Variants in APBA2 observed in about 807,000 individuals in gnomAD.
The protein encoded by APBA2 is amyloid-beta A4 precursor protein-binding family A member 2.
Under a neutral mutation model 75.0 loss-of-function variants are expected in APBA2, and 30 were observed. The ratio of observed to expected loss-of-function variants is 0.40; its 90% CI spans 0.30 to 0.54. The LOEUF (loss-of-function observed/expected upper bound fraction) is 0.54, where lower values mean the gene tolerates loss of function less well. Among genes scored for constraint, APBA2 ranks in the 20% least tolerant of loss-of-function variants. The pLI is 0.49. For synonymous variants in APBA2, 444 were observed against 409.6 expected (o/e 1.08, Z -1.01); for missense variants, 801 against 1,016.1 (o/e 0.79, Z 2.88).
chr15:28,936,887 T>C (rs28459817), intron 2 of APBA2, among the ~76,000 whole-genome samples: 54,574 of 152,054 alleles, frequency 0.36, 17,223 homozygotes, highest in African/African-American at 0.84. Flanking sequence ...TGGTCCTCGA[T>C]CTACCCTCAT....
intron 3 of APBA2, among the ~76,000 whole-genome samples, chr15:29,035,940 G>A (rs59113901): frequency 0.19 from 28,831 of 151,954 alleles, 3,589 homozygotes; most frequent in African/African-American, 0.34. Flanking sequence ...CTGTCACCCC[G>A]GAGCGCCCCC....
intron 1 of APBA2, among the ~76,000 whole-genome samples, chr15:28,920,094 C>T (rs570624378): frequency 6.6e-6 from 1 of 152,224 alleles, no homozygotes; most frequent in Non-Finnish European, 1.5e-5. Flanking sequence ...TGTGCCCTCT[C>T]GGGGCCAGGT....
At chr15:29,090,979 A>G (rs1328592738) in intron 6 of APBA2, among the ~76,000 whole-genome samples, 1 of 152,116 alleles carries the variant, frequency 6.6e-6, no homozygotes, top group Non-Finnish European at 1.5e-5. Context: ...CACTCTGAAG[A>G]AGCGCCAGGG....
At chr15:29,049,907 T>C (rs979367463) in intron 3 of APBA2, among the ~76,000 whole-genome samples, 2 of 152,102 alleles carry the variant, frequency 1.3e-5, no homozygotes, top group African/African-American at 4.8e-5. Flanking sequence ...TCCAGAGATA[T>C]TCCAGAAAGA....
chr15:28,990,023 G>A (rs962706991), intron 2 of APBA2, among the ~76,000 whole-genome samples: 3 of 152,168 alleles, frequency 2.0e-5, no homozygotes, highest in Non-Finnish European at 2.9e-5. Flanking sequence ...TGAGAAGGGC[G>A]CGGGGAACTG....
chr15:29,025,555 A>C (rs1318706899), intron 3 of APBA2, among the ~76,000 whole-genome samples: 5 of 151,952 alleles, frequency 3.3e-5, no homozygotes, highest in African/African-American at 1.2e-4. Flanking sequence ...TACAGGCGTG[A>C]GGCACTGCGC....
chr15:29,043,603 G>A (rs1254937702), intron 3 of APBA2, among the ~76,000 whole-genome samples: 1 of 152,132 alleles, frequency 6.6e-6, no homozygotes, highest in Non-Finnish European at 1.5e-5. Context: ...TTTATTTGTT[G>A]TGAATAAATC....
At chr15:29,023,704 C>T (rs970699270) in intron 3 of APBA2, among the ~76,000 whole-genome samples, 2 of 125,752 alleles carry the variant, frequency 1.6e-5, no homozygotes, top group African/African-American at 4.8e-5. Flanking sequence ...GATCCACCTG[C>T]CTCAGCCTCC....
chr15:29,101,345 T>C (rs1269481946), intron 9 of APBA2, among the ~76,000 whole-genome samples: 1 of 151,898 alleles, frequency 6.6e-6, no homozygotes, highest in East Asian at 1.9e-4. Context: ...TTCTCCTGCC[T>C]CAGCCTCCTG....
At chr15:28,920,851 G>A (rs2033936104) in intron 1 of APBA2, among the ~76,000 whole-genome samples, 1 of 152,174 alleles carries the variant, frequency 6.6e-6, no homozygotes, top group Non-Finnish European at 1.5e-5. Context: ...GGAAACTGAG[G>A]CACAGGCAGG....
At chr15:29,057,618 C>A (rs939803340) in intron 4 of APBA2, among the ~76,000 whole-genome samples, 8 of 152,314 alleles carry the variant, frequency 5.3e-5, no homozygotes, top group South Asian at 2.1e-4. Flanking sequence ...TTTTTAAAAT[C>A]TGATGTATGA....
At chr15:29,052,312 C>T (rs924313821) in intron 3 of APBA2, among the ~76,000 whole-genome samples, 10 of 151,834 alleles carry the variant, frequency 6.6e-5, no homozygotes, top group South Asian at 2.1e-4. Context: ...AAAATTAGCT[C>T]GGCATGGTGG....
intron 1 of APBA2, among the ~76,000 whole-genome samples, chr15:28,910,246 C>A (rs964141459): frequency 6.6e-6 from 1 of 152,154 alleles, no homozygotes; most frequent in Non-Finnish European, 1.5e-5. Flanking sequence ...AAAGGACTGA[C>A]CATCTGTCAG....
In APBA2 at chr15:29,118,053, T is replaced by G. The variant is rs924810663; in HGVS notation, c.*920T>G. 1 of 152,584 alleles carries G rather than the reference T, an allele frequency of 6.6e-6. No individual in the cohort carries two copies. The highest frequency in any genetic ancestry group is 1.5e-5 in the Non-Finnish European group (1 of 68,062). 9.5% of individuals were successfully genotyped at this position (152,584 alleles called of 1,614,324 possible). ...CTTGGCCAGCGTGGCGCAGTGGCCC[T>G]GAGCAGTAGTGGCATGTGTGTAGAT... On this transcript the variant is annotated 3_prime_UTR_variant, in exon 15 of 15. Transcript: ENST00000683413.
chr15:29,050,388 C>T (rs1262943460), intron 3 of APBA2, among the ~76,000 whole-genome samples: 12 of 152,072 alleles, frequency 7.9e-5, no homozygotes, highest in Admixed American at 7.9e-4. Flanking sequence ...AAAATGAAAT[C>T]CCACTAAATA....
At chr15:28,915,220 A>T (rs2033629581) in intron 1 of APBA2, among the ~76,000 whole-genome samples, 59 of 114,768 alleles carry the variant, frequency 5.1e-4, no homozygotes, top group East Asian at 7.9e-4. Context: ...CATACACACC[A>T]CATACCACAC....
rs956853468 is a variant in APBA2 at position 29,118,068 on chromosome 15, T to A, written c.*935T>A. ...GCAGTGGCCCTGAGCAGTAGTGGCA[T>A]GTGTGTAGATCAAGTCGGATCTAGT... On this transcript the variant is annotated 3_prime_UTR_variant, in exon 15 of 15. Transcript: ENST00000683413. The A allele has an allele frequency of 6.6e-6, 1 of 152,592 alleles. No homozygotes were observed. Among genetic ancestry groups the A allele is most frequent in the Non-Finnish European group, 1.5e-5 (1 of 68,062 alleles). 9.5% of individuals were successfully genotyped at this position (152,592 alleles called of 1,614,324 possible). A position where few individuals can be genotyped will look rare whatever the true frequency, so the allele number is the denominator to read the frequency against.
Position 29,078,430 on chromosome 15 carries a change from G to T in APBA2, c.1069+2339G>T, listed in dbSNP as rs1271671136. ...GTTCAAGACCAGCTTGACCAATATG[G>T]TGAAACCCTGTCTCTACTAAAAATA... On this transcript the variant is annotated intron_variant, in intron 6 of 14. Transcript: ENST00000683413. Among the ~76,000 whole-genome samples the T allele has an allele frequency of 2.6e-5, 4 of 152,082 alleles. No individual in the cohort carries two copies. The South Asian group carries it at 8.3e-4, about 32-fold the overall frequency.
chr15:29,017,389 CTTTCTTTCT>C (rs2039717234), intron 3 of APBA2, among the ~76,000 whole-genome samples: 1 of 131,518 alleles, frequency 7.6e-6, no homozygotes, highest in Non-Finnish European at 1.6e-5. Context: ...ATCTTCTTTT[CTTTCTTTCT>C]TTTTTTTTTT....
Sources: gnomAD v4.1 joint callset for allele counts (sites outside exome capture counted in the v4.1 genomes callset) on GRCh38, gnomAD v4.1.1 for gene constraint, MANE v1.5 for transcripts, NCBI Gene and HGNC (gene_info 2026-07-23, HGNC 2026-07-21) for gene names.